NCOA2: variants seen among roughly 807,000 people sequenced by gnomAD.
NCOA2 encodes nuclear receptor coactivator 2, also known as class E basic helix-loop-helix protein 75.
In NCOA2, 21 loss-of-function variants were observed where a neutral mutation model predicts 145.1. The observed-to-expected ratio is 0.14, with a 90% CI of 0.10 to 0.21. NCOA2 has a LOEUF of 0.21. Ranked by LOEUF, NCOA2 falls within the 10% of genes least tolerant of loss-of-function variation. The pLI, the probability that NCOA2 is intolerant of heterozygous loss-of-function variation, is 1.00. For missense variants in NCOA2, 1,472 were observed against 1,837.6 expected (o/e 0.80, Z 3.64); for synonymous variants, 619 against 637.5 (o/e 0.97, Z 0.44).
chr8:70,423,696 G>C, the NCOA2 span, among the ~76,000 whole-genome samples: 1 of 152,204 alleles, frequency 6.6e-6, no homozygotes, highest in Non-Finnish European at 1.5e-5. Context: ...TCACCACCCA[G>C]TGAGGGAATC....
Position 70,383,146 on chromosome 8 carries a change from G to A in NCOA2, c.-77+20554C>T, listed in dbSNP as rs114154339. On this transcript the variant is annotated intron_variant, in intron 1 of 22. Transcript: ENST00000452400. Reference sequence around the variant, plus strand: ...CAGATGTTCGTGCACACAGGTACGCGCTTCCAGAGAAGTCCTATCAAGACA... The same window carrying A: ...CAGATGTTCGTGCACACAGGTACGCACTTCCAGAGAAGTCCTATCAAGACA... Among the ~76,000 whole-genome samples, 1,419 of 152,298 alleles carry A rather than the reference G, an allele frequency of 9.3e-3. 21 individuals carry two copies. The highest frequency in any genetic ancestry group is 0.032 in the African/African-American group (1,318 of 41,562).
intron 7 of NCOA2, among the ~76,000 whole-genome samples, chr8:70,163,812 G>A (rs938393364): frequency 2.0e-5 from 3 of 152,078 alleles, no homozygotes; most frequent in East Asian, 1.9e-4. Context: ...AAGTCCCCGC[G>A]ATACATGTGA....
chr8:70,306,194 A>G (rs1369908168), intron 1 of NCOA2, among the ~76,000 whole-genome samples: 1 of 152,224 alleles, frequency 6.6e-6, no homozygotes, highest in Non-Finnish European at 1.5e-5. Flanking sequence ...AAACTTAGAA[A>G]TCACGTTTCA....
At chr8:70,124,970 T>C (rs529617498) in intron 19 of NCOA2, 105 bp from the exon 20 acceptor site, 2 of 923,330 alleles carry the variant, frequency 2.2e-6, no homozygotes, top group East Asian at 2.6e-5. Flanking sequence ...CATAAAAAAT[T>C]ACTTTCAAAT....
At chr8:70,180,808 G>A (rs142571862) in intron 4 of NCOA2, among the ~76,000 whole-genome samples, 11 of 152,306 alleles carry the variant, frequency 7.2e-5, no homozygotes, top group African/African-American at 2.6e-4. Flanking sequence ...TTGGTCTTAA[G>A]CAATCCTCCT....
chr8:70,151,991 A>C (rs1187106669), intron 11 of NCOA2, among the ~76,000 whole-genome samples: 1 of 152,144 alleles, frequency 6.6e-6, no homozygotes, highest in Non-Finnish European at 1.5e-5. Flanking sequence ...TGTAGGCTTT[A>C]ATTCTCATCA....
chr8:70,227,798 G>A (rs960024065), intron 2 of NCOA2, among the ~76,000 whole-genome samples: 50 of 151,998 alleles, frequency 3.3e-4, no homozygotes, highest in African/African-American at 1.2e-3. Context: ...GTGGATCACC[G>A]GAGGTCAGGA....
At chr8:70,177,999 A>G (rs1815057467) in intron 4 of NCOA2, among the ~76,000 whole-genome samples, 1 of 152,214 alleles carries the variant, frequency 6.6e-6, no homozygotes, top group African/African-American at 2.4e-5. Flanking sequence ...GACAATAAGT[A>G]GGCCTTGTGA....
rs117387751 is a variant in NCOA2 at position 70,303,573 on chromosome 8, A to C, written c.-76-6773T>G. ...GTGAAAAGGAAATAAGAATTTGGAT[A>C]CGGCATGTACAAATGATTGCTGTCA... On this transcript the variant is annotated intron_variant, in intron 1 of 22. Transcript: ENST00000452400. Among the ~76,000 whole-genome samples the C allele has an allele frequency of 6.4e-3, 974 of 152,302 alleles. 31 individuals carry two copies. The highest frequency in any genetic ancestry group is 0.045 in the Admixed American group (689 of 15,300).
chr8:70,303,814 G>T (rs1033583752), intron 1 of NCOA2, among the ~76,000 whole-genome samples: 8 of 151,968 alleles, frequency 5.3e-5, no homozygotes, highest in Non-Finnish European at 8.8e-5. Flanking sequence ...ATAAGTTATT[G>T]GGCAGAAATT....
intron 4 of NCOA2, among the ~76,000 whole-genome samples, chr8:70,191,148 A>C (rs1391182508): frequency 1.3e-5 from 2 of 152,234 alleles, no homozygotes; most frequent in Non-Finnish European, 1.5e-5. Flanking sequence ...ATTTCAAAAA[A>C]AGTTAAATTG....
At chr8:70,191,071 C>T (rs966434954) in intron 4 of NCOA2, among the ~76,000 whole-genome samples, 23 of 152,252 alleles carry the variant, frequency 1.5e-4, no homozygotes, top group African/African-American at 5.5e-4. Flanking sequence ...TTTACAAACA[C>T]TGATACCAGG....
chr8:70,160,090 T>C (rs1017073887), intron 9 of NCOA2, among the ~76,000 whole-genome samples: 13 of 152,054 alleles, frequency 8.5e-5, no homozygotes, highest in African/African-American at 2.9e-4. Flanking sequence ...GAAAATAAAA[T>C]TTATGACATT....
chr8:70,437,492 T>C, the NCOA2 span, among the ~76,000 whole-genome samples: 10 of 152,252 alleles, frequency 6.6e-5, no homozygotes, highest in South Asian at 2.1e-4. Flanking sequence ...GTTTGGAAAC[T>C]GATAAAAAAT....
chr8:70,251,243 A>G (rs1823144713), intron 2 of NCOA2, among the ~76,000 whole-genome samples: 1 of 152,226 alleles, frequency 6.6e-6, no homozygotes, highest in African/African-American at 2.4e-5. Context: ...GTTATTTCCA[A>G]TAAAAAGCTT....
chr8:70,168,031 AG>A (rs1813826935), intron 6 of NCOA2, among the ~76,000 whole-genome samples: 4 of 152,358 alleles, frequency 2.6e-5, no homozygotes, highest in Admixed American at 2.6e-4. Context: ...ACAATAGAAC[AG>A]GAGATCAAAA....
intron 2 of NCOA2, among the ~76,000 whole-genome samples, chr8:70,217,748 C>T (rs1007982964): frequency 4.6e-5 from 7 of 152,036 alleles, no homozygotes; most frequent in African/African-American, 1.4e-4. Flanking sequence ...AAGAGACTTA[C>T]AAAGACTGTG....
chr8:70,361,779 G>A lies in NCOA2; in HGVS notation c.-77+41921C>T, dbSNP rs566183668. On this transcript the variant is annotated intron_variant, in intron 1 of 22. Coordinates refer to ENST00000452400, the MANE Select transcript of NCOA2 (RefSeq NM_006540.4). ...AAAATGGAATGCCAATACTTACGAC[G>A]CTCAATCATTTATCTAAATGGGCTA... 2.9e-4 allele frequency among the ~76,000 whole-genome samples: 44 copies of A among 152,236 alleles called. No individual in the cohort carries two copies. The South Asian group carries it at 3.9e-3, about 14-fold the overall frequency.
At chr8:70,430,471 A>C in the NCOA2 span, among the ~76,000 whole-genome samples, 1 of 152,208 alleles carries the variant, frequency 6.6e-6, no homozygotes, top group Non-Finnish European at 1.5e-5. Context: ...TGACATATGT[A>C]TATATCCTTG....
Sources: gnomAD v4.1 joint callset for allele counts (sites outside exome capture counted in the v4.1 genomes callset) on GRCh38, gnomAD v4.1.1 for gene constraint, MANE v1.5 for transcripts, NCBI Gene and HGNC (gene_info 2026-07-23, HGNC 2026-07-21) for gene names.